The following SHROOM3 variants were observed in gnomAD, a reference collection of about 807,000 sequenced individuals.
The protein encoded by SHROOM3 is protein Shroom3.
SHROOM3 carries 47 observed loss-of-function variants against 138.6 expected under a neutral mutation model. The ratio of observed to expected loss-of-function variants is 0.34; its 90% CI spans 0.27 to 0.43. The LOEUF is 0.43. Among genes scored for constraint, SHROOM3 ranks in the 20% least tolerant of loss-of-function variants. The pLI, the probability that SHROOM3 is intolerant of heterozygous loss-of-function variation, is 1.00. For missense variants in SHROOM3, 2,491 were observed against 2,596.5 expected, an observed-to-expected ratio of 0.96 and a Z score of 0.88; for synonymous variants, 1,062 against 1,063.3, an observed-to-expected ratio of 1.00 and a Z score of 0.02.
chr4:76,723,873 A>G (rs577942728), intron 3 of SHROOM3, among the ~76,000 whole-genome samples: 34 of 152,340 alleles, frequency 2.2e-4, no homozygotes, highest in African/African-American at 8.2e-4. Context: ...GAGTGAATGA[A>G]TGATGCTCTG....
chr4:76,492,945 G>A (rs1731884220), intron 1 of SHROOM3, among the ~76,000 whole-genome samples: 1 of 152,132 alleles, frequency 6.6e-6, no homozygotes, highest in African/African-American at 2.4e-5. Context: ...ATGCAGTTGG[G>A]CACGGTGGCT....
Position 76,454,259 on chromosome 4 carries a change from G to C in SHROOM3, c.168+18039G>C, listed in dbSNP as rs183637488. Among the ~76,000 whole-genome samples, 38 of 152,276 alleles carry C rather than the reference G, an allele frequency of 2.5e-4. No homozygotes were observed. The East Asian group carries it at 7.1e-3, about 29-fold the overall frequency. On this transcript the variant is annotated intron_variant, in intron 1 of 10. Transcript: ENST00000296043. ...GGGTTTCACCATATTGGCCACGCTG[G>C]TCTCGGACTTCTGACCTCAGATGAT...
intron 1 of SHROOM3, among the ~76,000 whole-genome samples, chr4:76,508,194 T>C (rs1732253615): frequency 7.1e-6 from 1 of 141,390 alleles, no homozygotes; most frequent in Non-Finnish European, 1.5e-5. Flanking sequence ...GCTTTAGCTC[T>C]TACATTCAGG....
chr4:76,715,551 G>A (rs1720349192), intron 3 of SHROOM3, among the ~76,000 whole-genome samples: 1 of 152,184 alleles, frequency 6.6e-6, no homozygotes, highest in Non-Finnish European at 1.5e-5. Flanking sequence ...TTTCCAAGCC[G>A]ATGCTTTTCT....
intron 1 of SHROOM3, among the ~76,000 whole-genome samples, chr4:76,462,666 TTCTCTCTCTCCCTCTCCCTCTCCC>T (rs1480931685): frequency 4.4e-4 from 66 of 151,636 alleles, no homozygotes; most frequent in Non-Finnish European, 7.4e-4. Flanking sequence ...TCCTTCTTTG[TTCTCTCTCTCCCTCTCCCTCTCCC>T]TCTCTCTCTC....
At chr4:76,534,369 C>T (rs576104588) in intron 1 of SHROOM3, among the ~76,000 whole-genome samples, 2 of 152,254 alleles carry the variant, frequency 1.3e-5, no homozygotes, top group African/African-American at 4.8e-5. Flanking sequence ...TTACCATGGT[C>T]ACAGCCTACT....
chr4:76,513,774 G>T (rs569222917), intron 1 of SHROOM3, among the ~76,000 whole-genome samples: 1 of 152,328 alleles, frequency 6.6e-6, no homozygotes, highest in African/African-American at 2.4e-5. Context: ...TTAGCTGGCA[G>T]GCACTGAGAA....
chr4:76,719,593 G>A (rs1041176694), intron 3 of SHROOM3, among the ~76,000 whole-genome samples: 4 of 152,202 alleles, frequency 2.6e-5, no homozygotes, highest in African/African-American at 7.2e-5. Flanking sequence ...AGGAAGGACA[G>A]TTGAATATTC....
intron 2 of SHROOM3, among the ~76,000 whole-genome samples, chr4:76,630,294 C>T (rs528864283): frequency 6.6e-6 from 1 of 152,178 alleles, no homozygotes; most frequent in Non-Finnish European, 1.5e-5. Context: ...TACCTTTCAG[C>T]TCTTTCCTCT....
intron 2 of SHROOM3, among the ~76,000 whole-genome samples, chr4:76,647,967 T>C (rs1030957212): frequency 2.6e-5 from 4 of 152,184 alleles, no homozygotes; most frequent in Non-Finnish European, 5.9e-5. Flanking sequence ...GTAGTATCTT[T>C]CTTACATATC....
chr4:76,693,370 G>GTTTTTTTTTTTTTTTTTTTTTTTTT (rs10648549), intron 2 of SHROOM3, among the ~76,000 whole-genome samples: 1 of 79,810 alleles, frequency 1.3e-5, no homozygotes, highest in African/African-American at 5.1e-5. Flanking sequence ...TGATAAGTTT[G>GTTTTTTTTTTTTTTTTTTTTTTTTT]TTTTTTTTTT....
At chr4:76,728,565 G>A (rs1560603691) in intron 3 of SHROOM3, among the ~76,000 whole-genome samples, 1 of 152,192 alleles carries the variant, frequency 6.6e-6, no homozygotes, top group Admixed American at 6.5e-5. Context: ...AGCAGCGTGA[G>A]AATGAACTAA....
chr4:76,562,923 T>C (rs1361831171), intron 2 of SHROOM3, among the ~76,000 whole-genome samples: 3 of 152,220 alleles, frequency 2.0e-5, no homozygotes, highest in Non-Finnish European at 2.9e-5. Flanking sequence ...AAATTGACAA[T>C]CTGCAAGCCA....
intron 1 of SHROOM3, among the ~76,000 whole-genome samples, chr4:76,454,804 G>A (rs1440617653): frequency 6.6e-6 from 1 of 152,126 alleles, no homozygotes; most frequent in Non-Finnish European, 1.5e-5. Flanking sequence ...AATGCAGAGT[G>A]CCTTTCAGTT....
chr4:76,702,583 C>G (rs901538299), intron 2 of SHROOM3, among the ~76,000 whole-genome samples: 9 of 152,178 alleles, frequency 5.9e-5, no homozygotes, highest in Non-Finnish European at 1.2e-4. Flanking sequence ...AGAGCCAGAA[C>G]AGGACCCCAG....
At chr4:76,496,007 CA>C (rs913239353) in intron 1 of SHROOM3, among the ~76,000 whole-genome samples, 6 of 152,138 alleles carry the variant, frequency 3.9e-5, no homozygotes, top group African/African-American at 1.4e-4. Context: ...GTCAGTGGAC[CA>C]AAGCTGTTCA....
chr4:76,441,794 C>G (rs1224420824), intron 1 of SHROOM3, among the ~76,000 whole-genome samples: 2 of 152,122 alleles, frequency 1.3e-5, no homozygotes, highest in East Asian at 1.9e-4. Flanking sequence ...ACGATCTCGG[C>G]TCACTGCAAC....
At chr4:76,456,647 T>C (rs1310524423) in intron 1 of SHROOM3, among the ~76,000 whole-genome samples, 4 of 152,204 alleles carry the variant, frequency 2.6e-5, no homozygotes, top group Admixed American at 1.3e-4. Context: ...CTATCAACTA[T>C]GGGGCCACTG....
intron 2 of SHROOM3, among the ~76,000 whole-genome samples, chr4:76,707,261 A>G (rs1403004685): frequency 6.6e-6 from 1 of 152,224 alleles, no homozygotes; most frequent in Non-Finnish European, 1.5e-5. Context: ...GAAACCTGCC[A>G]AACTGAAAGG....
Sources: gnomAD v4.1 joint callset for allele counts (sites outside exome capture counted in the v4.1 genomes callset) on GRCh38, gnomAD v4.1.1 for gene constraint, MANE v1.5 for transcripts, NCBI Gene and HGNC (gene_info 2026-07-23, HGNC 2026-07-21) for gene names.